Variants in FLI1 observed in about 807,000 individuals in gnomAD.
FLI1 encodes the protein Friend leukemia integration 1 transcription factor.
In FLI1, 13 loss-of-function variants were observed where a neutral mutation model predicts 53.1. That is an observed-to-expected ratio of 0.24 (90% CI 0.16 to 0.39). FLI1 has a LOEUF of 0.39. Among genes scored for constraint, FLI1 ranks in the 10% least tolerant of loss-of-function variants. The pLI, the probability that FLI1 is intolerant of heterozygous loss-of-function variation, is 1.00. For synonymous variants in FLI1, 244 were observed against 236.7 expected, an observed-to-expected ratio of 1.03 and a Z score of -0.28; for missense variants, 424 against 600.5, an observed-to-expected ratio of 0.71 and a Z score of 3.07.
At chr11:128,774,176 C>T (rs1043972153) in intron 4 of FLI1, among the ~76,000 whole-genome samples, 10 of 152,116 alleles carry the variant, frequency 6.6e-5, no homozygotes, top group African/African-American at 1.7e-4. Flanking sequence ...AGGGGCAACA[C>T]GTGCTGGCTG....
upstream of FLI1, among the ~76,000 whole-genome samples, chr11:128,685,224 A>G (rs1371409584): frequency 6.6e-6 from 1 of 152,182 alleles, no homozygotes; most frequent in East Asian, 1.9e-4. Context: ...GAGAGAGGCA[A>G]ACTTTGACTC....
At chr11:128,714,833 C>T (rs530612364) in intron 1 of FLI1, among the ~76,000 whole-genome samples, 1 of 151,314 alleles carries the variant, frequency 6.6e-6, no homozygotes, top group South Asian at 2.1e-4. Context: ...CTCAGCCTTC[C>T]GTGTAGCTTG....
chr11:128,691,412 G>A (rs549620514), upstream of FLI1, among the ~76,000 whole-genome samples: 15 of 152,314 alleles, frequency 9.8e-5, no homozygotes, highest in South Asian at 2.9e-3. Context: ...CGAGATTCCC[G>A]CAGGCATCTA....
chr11:128,740,778 C>T (rs184368261), intron 1 of FLI1, among the ~76,000 whole-genome samples: 1 of 152,314 alleles, frequency 6.6e-6, no homozygotes, highest in East Asian at 1.9e-4. Flanking sequence ...CAGAGGGGTA[C>T]ACCCCTACAG....
chr11:128,750,574 C>G (rs1473037083), intron 1 of FLI1, among the ~76,000 whole-genome samples: 1 of 152,208 alleles, frequency 6.6e-6, no homozygotes, highest in Non-Finnish European at 1.5e-5. Context: ...GGGAGATACT[C>G]AAACCACCCT....
chr11:128,687,680 G>A (rs924488893), intron 1 of FLI1, among the ~76,000 whole-genome samples: 6 of 152,238 alleles, frequency 3.9e-5, no homozygotes, highest in Middle Eastern at 3.4e-3. Flanking sequence ...CCTGTGTGAT[G>A]GGATGCAGAC....
intron 2 of FLI1, among the ~76,000 whole-genome samples, chr11:128,763,589 C>A (rs1591791622): frequency 6.6e-6 from 1 of 152,212 alleles, no homozygotes; most frequent in African/African-American, 2.4e-5. Flanking sequence ...CCTGGCCTGG[C>A]CCCCAGGGTC....
At chr11:128,784,859 G>GTA (rs762502215) in intron 5 of FLI1, among the ~76,000 whole-genome samples, 15 of 150,486 alleles carry the variant, frequency 1.0e-4, no homozygotes, top group Non-Finnish European at 1.8e-4. Flanking sequence ...CACCAGAGCT[G>GTA]TGTGTGTGTG....
chr11:128,798,320 G>A (rs900571783), intron 5 of FLI1, among the ~76,000 whole-genome samples: 1 of 152,086 alleles, frequency 6.6e-6, no homozygotes, highest in African/African-American at 2.4e-5. Context: ...AAATAAATAG[G>A]TCATTTAGAC....
At position 128,811,524 on chromosome 11, in the gene FLI1, G is replaced by A; in HGVS notation, c.*536G>A. On this transcript the variant is annotated 3_prime_UTR_variant, in exon 9 of 9. Coordinates refer to ENST00000527786, the MANE Select transcript of FLI1 (RefSeq NM_002017.5). ...TGAAGTTTTCACCCAACTGGAATTT[G>A]ATGGAAAGAAGGTTTGTGTGTTTAA... 1 of 231,192 alleles carries A rather than the reference G, an allele frequency of 4.3e-6. No homozygotes were observed. 14.3% of individuals were successfully genotyped at this position (231,192 alleles called of 1,614,324 possible). A position where few individuals can be genotyped will look rare whatever the true frequency, so the allele number is the denominator to read the frequency against.
intron 1 of FLI1, among the ~76,000 whole-genome samples, chr11:128,711,874 C>T (rs575711879): frequency 6.6e-6 from 1 of 152,252 alleles, no homozygotes; most frequent in African/African-American, 2.4e-5. Context: ...GTGAACAAAG[C>T]ACTTTAATTT....
At chr11:128,696,901 T>C (rs1040002948) in intron 1 of FLI1, among the ~76,000 whole-genome samples, 1 of 152,326 alleles carries the variant, frequency 6.6e-6, no homozygotes, top group South Asian at 2.1e-4. Flanking sequence ...CAGAAGCCCT[T>C]TATTTTGTGC....
intron 1 of FLI1, among the ~76,000 whole-genome samples, chr11:128,737,405 C>A (rs548306589): frequency 6.6e-6 from 1 of 152,182 alleles, no homozygotes; most frequent in Non-Finnish European, 1.5e-5. Flanking sequence ...CCCACCACAC[C>A]GGAACACGAG....
chr11:128,733,522 G>T (rs1216494369), intron 1 of FLI1, among the ~76,000 whole-genome samples: 1 of 152,094 alleles, frequency 6.6e-6, no homozygotes, highest in Non-Finnish European at 1.5e-5. Context: ...CAAGTTAGTG[G>T]GCCAGAGTAG....
intron 1 of FLI1, among the ~76,000 whole-genome samples, chr11:128,750,033 T>C (rs1248286969): frequency 6.6e-6 from 1 of 152,204 alleles, no homozygotes; most frequent in Non-Finnish European, 1.5e-5. Flanking sequence ...TGTTCGCATT[T>C]CATATTCTCT....
intron 1 of FLI1, among the ~76,000 whole-genome samples, chr11:128,723,131 C>T (rs898824038): frequency 6.6e-6 from 1 of 152,162 alleles, no homozygotes; most frequent in African/African-American, 2.4e-5. Flanking sequence ...TCAAATCACC[C>T]CCTGAAGATC....
chr11:128,686,688 C>T (rs1865809918), exon 1 of FLI1: 1 of 344,652 alleles, frequency 2.9e-6, no homozygotes, highest in African/African-American at 2.1e-5. Flanking sequence ...CCCGACACGT[C>T]GTCTTACATC....
At chr11:128,798,406 C>A (rs1444703033) in intron 5 of FLI1, among the ~76,000 whole-genome samples, 3 of 152,200 alleles carry the variant, frequency 2.0e-5, no homozygotes, top group Non-Finnish European at 2.9e-5. Context: ...GGGAGCCTCA[C>A]GTGGCCATGG....
intron 1 of FLI1, among the ~76,000 whole-genome samples, chr11:128,699,972 A>C (rs2135699840): frequency 6.6e-6 from 1 of 152,344 alleles, no homozygotes; most frequent in Non-Finnish European, 1.5e-5. Context: ...TTCTGTGAAG[A>C]TAGAACCCCA....
Sources: allele counts gnomAD v4.1 joint callset (sites outside exome capture counted in the v4.1 genomes callset), GRCh38; gene constraint gnomAD v4.1.1; transcripts MANE v1.5; gene names NCBI Gene and HGNC (gene_info 2026-07-23, HGNC 2026-07-21).